LAG3: variants seen among roughly 807,000 people sequenced by gnomAD.
LAG3 encodes lymphocyte activating 3.
A neutral mutation model predicts 49.0 loss-of-function variants in LAG3; 29 were observed. The observed-to-expected ratio is 0.59, with a 90% confidence interval of 0.44 to 0.81. The LOEUF is 0.81. LAG3 is among the 30% of genes least tolerant of loss of function. LAG3 has a pLI of 0.00. For synonymous variants in LAG3, 320 were observed against 297.3 expected, an observed-to-expected ratio of 1.08 and a Z score of -0.79; for missense variants, 693 against 695.2, an observed-to-expected ratio of 1.00 and a Z score of 0.04.
Position 6,774,700 on chromosome 12 carries a change from GGGGCCAGGGCCGAGTCCCTGTCC to G in LAG3, c.621_643del (p.Gln208ValfsTer41), listed in dbSNP as rs1364489736. ...GCCTCTGTGCATTGGTTCCGGAACCGGGGCCAGGGCCGAGTCCCTGTCCGGGAGTCCCCCCATCACCACTTAGC... is the reference window on the plus strand; with the variant it reads ...GCCTCTGTGCATTGGTTCCGGAACCGGGGAGTCCCCCCATCACCACTTAGC... On this transcript the variant is annotated frameshift_variant, in exon 4 of 8. Coordinates refer to ENST00000203629, the MANE Select transcript of LAG3 (RefSeq NM_002286.6). LOFTEE classifies it high-confidence loss of function. 6.2e-7 allele frequency: 1 copy of G among 1,614,054 alleles called. No individual in the cohort carries two copies. The highest frequency in any genetic ancestry group is 8.5e-7 in the Non-Finnish European group (1 of 1,179,984).
intron 5 of LAG3, 163 bp downstream of exon 5, chr12:6,775,711 T>C (rs1941900305): frequency 1.5e-6 from 1 of 650,900 alleles, no homozygotes; most frequent in Non-Finnish European, 2.6e-6. Context: ...CTCACCCCCA[T>C]AATAAAGAAA....
Position 6,774,771 on chromosome 12 carries a change from C to G in LAG3, c.688C>G (p.Gln230Glu), listed in dbSNP as rs767897612. ...AGCGGAAAGCTTCCTCTTCCTGCCC[C>G]AAGTCAGCCCCATGGACTCTGGGCC... ...HLAESFLFLP[Q>E]VSPMDSGPWG... The change falls in exon 4 of 8, where the codon CAA (glutamine) becomes GAA (glutamate). Residue 230 changes from glutamine to glutamate, a missense_variant. By Grantham distance (29) the Gln-to-Glu change is conservative. Transcript: ENST00000203629. 29 of 1,614,152 alleles carry G rather than the reference C, an allele frequency of 1.8e-5. No individual in the cohort carries two copies. The highest frequency in any genetic ancestry group is 2.4e-5 in the Non-Finnish European group (28 of 1,180,020).
At chr12:6,777,683 C>A (rs1226112304) in intron 6 of LAG3, 108 bp from the exon 7 acceptor site, 1 of 1,482,642 alleles carries the variant, frequency 6.7e-7, no homozygotes, top group Non-Finnish European at 9.2e-7. Context: ...GACCCTGGGA[C>A]AAGTCCCTTA....
intron 3 of LAG3, 107 bp downstream of exon 3, chr12:6,774,108 G>A (rs1823925744): frequency 3.8e-6 from 5 of 1,327,538 alleles, no homozygotes; most frequent in East Asian, 3.1e-5. Flanking sequence ...AGGCCCTGTC[G>A]GAGAGCTCCC....
chr12:6,773,951 G>A lies in LAG3; in HGVS notation c.461G>A (p.Arg154Lys), dbSNP rs1195128566. 46 of 1,436,262 alleles carry A rather than the reference G, an allele frequency of 3.2e-5. No homozygotes were observed. Among genetic ancestry groups the A allele is most frequent in the Non-Finnish European group, 4.1e-5 (45 of 1,103,958 alleles). The allele number at this position is 1,436,262 out of a possible 1,614,324, so 89.0% of individuals were successfully genotyped here. Residue 154 changes from arginine to lysine, a missense_variant, in exon 3 of 8, where the codon AGG (arginine) becomes AAG (lysine). Arg to Lys is a conservative substitution (Grantham distance 26). Transcript: ENST00000203629. This position sits in a 1 kb window ranked among gnomAD's most constrained non-coding sequence, Gnocchi z 5.5. ...GAGTACCGCGCCGCGGTGCACCTCA[G>A]GGACCGCGCCCTCTCCTGCCGCCTC... Reference protein sequence around the residue: ...AGEYRAAVHLRDRALSCRLRL... With the variant: ...AGEYRAAVHLKDRALSCRLRL...
At chr12:6,774,565 G>A (rs376244195) in intron 3 of LAG3, 30 bp from the exon 4 acceptor site, 219 of 1,594,714 alleles carry the variant, frequency 1.4e-4, no homozygotes, top group Non-Finnish European at 1.7e-4. Context: ...TTTCCAGTGG[G>A]CTGATGAAGT....
chr12:6,773,076 A>G lies in LAG3; in HGVS notation c.59-116A>G. 7.0e-7 allele frequency: 1 copy of G among 1,429,256 alleles called. No homozygotes were observed. Among genetic ancestry groups the G allele is most frequent in the South Asian group, 1.3e-5 (1 of 76,428 alleles). 88.5% of individuals were successfully genotyped at this position (1,429,256 alleles called of 1,614,324 possible). A position where few individuals can be genotyped will look rare whatever the true frequency, so the allele number is the denominator to read the frequency against. On this transcript the variant is annotated intron_variant, in intron 1 of 7. Coordinates refer to ENST00000203629, the MANE Select transcript of LAG3 (RefSeq NM_002286.6). This position sits in a 1 kb window ranked among gnomAD's most constrained non-coding sequence, Gnocchi z 5.5. ...AAGCCTCTCTGGGCAGAGAAGAAAC[A>G]GAAACCCAAGTTCTTCCTGCACCCT...
intron 7 of LAG3, 80 bp downstream of exon 7, chr12:6,778,001 C>A: frequency 1.3e-6 from 2 of 1,596,238 alleles, no homozygotes; most frequent in East Asian, 2.2e-5. Context: ...ACCCCTTCCT[C>A]AGGAAGGTGA....
chr12:6,777,602 C>T, intron 6 of LAG3, 96 bp downstream of exon 6: 1 of 1,510,066 alleles, frequency 6.6e-7, no homozygotes, highest in Non-Finnish European at 8.9e-7. Flanking sequence ...CAGCGCTTTT[C>T]TTTCCAGTCA....
chr12:6,778,317 T>C lies in LAG3; in HGVS notation c.1505T>C (p.Leu502Pro), dbSNP rs1396550415. The C allele has an allele frequency of 4.3e-6, 7 of 1,613,320 alleles. No individual in the cohort carries two copies. The East Asian group carries it at 1.1e-4, about 26-fold the overall frequency. ...PPQAQSKIEE[L>P]EQEPEPEPEP... Reference sequence around the variant, plus strand: ...CAGGCTCAGAGCAAGATAGAGGAGCTGGAGCAAGAACCGGAGCCGGAGCCG... The same window carrying C: ...CAGGCTCAGAGCAAGATAGAGGAGCCGGAGCAAGAACCGGAGCCGGAGCCG... The change falls in exon 8 of 8, where the codon CTG becomes CCG. Residue 502 changes from leucine (L) to proline (P), a missense_variant. Leu to Pro is a moderately conservative substitution (Grantham distance 98, BLOSUM62 -3). Transcript: ENST00000203629.
At chr12:6,776,765 T>C (rs1941910492) in intron 5 of LAG3, among the ~76,000 whole-genome samples, 1 of 152,164 alleles carries the variant, frequency 6.6e-6, no homozygotes, top group Non-Finnish European at 1.5e-5. Flanking sequence ...GTGAAGTAGA[T>C]GGGGGTCAGC....
At chr12:6,774,535 C>T (rs1017499776) in intron 3 of LAG3, 60 bp from the exon 4 acceptor site, 90 of 1,555,354 alleles carry the variant, frequency 5.8e-5, no homozygotes, top group Non-Finnish European at 6.9e-5. Flanking sequence ...GCTTGGCAGC[C>T]CTGCTGTGTT....
rs759106472 is a variant in LAG3, at chr12:6,773,189, T to C, written c.59-3T>C. Reference sequence around the variant, plus strand: ...CCCCTTGGCCTCTCTTTTGCTCACCTAGTGAAGCCTCTCCAGCCAGGGGCT... The same window carrying C: ...CCCCTTGGCCTCTCTTTTGCTCACCCAGTGAAGCCTCTCCAGCCAGGGGCT... On this transcript the variant is annotated splice_polypyrimidine_tract_variant and splice_region_variant and intron_variant, in intron 1 of 7. Coordinates refer to ENST00000203629, the MANE Select transcript of LAG3 (RefSeq NM_002286.6). This position sits in a 1 kb window ranked among gnomAD's most constrained non-coding sequence, Gnocchi z 5.5. 1.2e-6 allele frequency: 2 copies of C among 1,608,356 alleles called. No homozygotes were observed. Among genetic ancestry groups the C allele is most frequent in the Non-Finnish European group, 1.7e-6 (2 of 1,177,920 alleles).
In LAG3 at chr12:6,773,833, C is replaced by T. The variant is rs1482452762; in HGVS notation, c.343C>T (p.Pro115Ser). The change falls in exon 3 of 8, where the codon CCC (proline) becomes TCC (serine). Residue 115 changes from proline to serine, a missense_variant. Coordinates refer to ENST00000203629, the MANE Select transcript of LAG3 (RefSeq NM_002286.6). This position sits in a 1 kb window ranked among gnomAD's most constrained non-coding sequence, Gnocchi z 5.5. ...CGGAGGCCTGCGCAGCGGGAGGCTGCCCCTGCAGCCCCGCGTCCAGCTGGA... is the reference window on the plus strand; with the variant it reads ...CGGAGGCCTGCGCAGCGGGAGGCTGTCCCTGCAGCCCCGCGTCCAGCTGGA... ...GPGGLRSGRL[P>S]LQPRVQLDER... 2.1e-6 allele frequency: 3 copies of T among 1,407,640 alleles called. No individual in the cohort carries two copies. Among genetic ancestry groups the T allele is most frequent in the African/African-American group, 1.5e-5 (1 of 66,396 alleles). The allele number at this position is 1,407,640 out of a possible 1,614,324, so 87.2% of individuals were successfully genotyped here.
Position 6,772,833 on chromosome 12 carries a change from C to A in LAG3, c.-20C>A. On this transcript the variant is annotated 5_prime_UTR_variant, in exon 1 of 8. It adds an upstream start codon to the 5' untranslated region. Coordinates refer to ENST00000203629, the MANE Select transcript of LAG3 (RefSeq NM_002286.6). ...TGACCTCCTTTTGGAGGGCTCAGCG[C>A]TGCCCAGACCATAGGAGAGATGTGG... is the stretch of plus-strand genomic sequence containing the variant. The A allele has an allele frequency of 6.3e-7, 1 of 1,577,922 alleles. No homozygotes were observed. The highest frequency in any genetic ancestry group is 8.6e-7 in the Non-Finnish European group (1 of 1,158,436).
rs1419243888 is a variant in LAG3, at chr12:6,773,713, G to A, written c.223G>A (p.Ala75Thr). ...CCCGCCCAGTGGCCCGCCCGCTGCC[G>A]CCCCCGGCCATCCCCTGGCCCCCGG... is the stretch of plus-strand genomic sequence containing the variant. ...HQPDSGPPAA[A>T]PGHPLAPGPH... Residue 75 changes from alanine (A) to threonine (T), a missense_variant, in exon 3 of 8, where the codon GCC (alanine) becomes ACC (threonine). Physicochemically the swap from Ala to Thr is moderately conservative, Grantham distance 58. Transcript: ENST00000203629. The surrounding 1 kb of genome is among the most constrained non-coding windows in gnomAD (Gnocchi z 5.5). 2 of 1,350,406 alleles carry A rather than the reference G, an allele frequency of 1.5e-6. No homozygotes were observed. The highest frequency in any genetic ancestry group is 1.9e-6 in the Non-Finnish European group (2 of 1,057,750). The allele number at this position is 1,350,406 out of a possible 1,614,324, so 83.7% of individuals were successfully genotyped here. A position where few individuals can be genotyped will look rare whatever the true frequency, so the allele number is the denominator to read the frequency against.
intron 4 of LAG3, 139 bp downstream of exon 4, chr12:6,775,003 C>G: frequency 2.2e-6 from 2 of 928,654 alleles, no homozygotes; most frequent in Non-Finnish European, 3.3e-6. Context: ...CTGTTCGACC[C>G]CTTTATATTG....
At position 6,772,712 on chromosome 12, in the gene LAG3, C is replaced by A; in HGVS notation, c.-141C>A. 1 of 660,250 alleles carries A rather than the reference C, an allele frequency of 1.5e-6. No homozygotes were observed. The highest frequency in any genetic ancestry group is 1.9e-5 in the South Asian group (1 of 51,838). 40.9% of individuals were successfully genotyped at this position (660,250 alleles called of 1,614,324 possible). A position where few individuals can be genotyped will look rare whatever the true frequency, so the allele number is the denominator to read the frequency against. ...CCCACCCTCTCTCCAAGGCCCTCTCCTGGTCTCCCTTCTTCTAGAACCCCT... is the reference window on the plus strand; with the variant it reads ...CCCACCCTCTCTCCAAGGCCCTCTCATGGTCTCCCTTCTTCTAGAACCCCT... On this transcript the variant is annotated 5_prime_UTR_variant, in exon 1 of 8. In the 5' UTR this introduces an upstream ATG that the reference lacks. Coordinates refer to ENST00000203629, the MANE Select transcript of LAG3 (RefSeq NM_002286.6).
Position 6,773,737 on chromosome 12 carries a change from G to T in LAG3, c.247G>T (p.Gly83Cys). The T allele has an allele frequency of 7.5e-7, 1 of 1,335,204 alleles. No individual in the cohort carries two copies. The highest frequency in any genetic ancestry group is 9.5e-7 in the Non-Finnish European group (1 of 1,049,532). 82.7% of individuals were successfully genotyped at this position (1,335,204 alleles called of 1,614,324 possible). A position where few individuals can be genotyped will look rare whatever the true frequency, so the allele number is the denominator to read the frequency against. Residue 83 changes from glycine to cysteine, a missense_variant, in exon 3 of 8, where the codon GGC becomes TGC. Transcript: ENST00000203629. The surrounding 1 kb of genome is among the most constrained non-coding windows in gnomAD (Gnocchi z 5.5). ...CGCCCCCGGCCATCCCCTGGCCCCC[G>T]GCCCTCACCCGGCGGCGCCCTCCTC... is the stretch of plus-strand genomic sequence containing the variant. ...AAAPGHPLAP[G>C]PHPAAPSSWG...
Sources: allele counts gnomAD v4.1 joint callset (sites outside exome capture counted in the v4.1 genomes callset), GRCh38; gene constraint gnomAD v4.1.1; non-coding constraint Gnocchi (gnomAD v3.1); transcripts MANE v1.5; gene names NCBI Gene and HGNC (gene_info 2026-07-23, HGNC 2026-07-21).